Variants in COL21A1 observed in about 807,000 individuals in gnomAD.
COL21A1 encodes the protein collagen alpha-1(XXI) chain.
A neutral mutation model predicts 137.9 loss-of-function variants in COL21A1; 149 were observed. The observed-to-expected ratio is 1.08, with a 90% confidence interval of 0.95 to 1.24. COL21A1 has a LOEUF of 1.24. Among genes scored for constraint, COL21A1 ranks in the 50% most tolerant of loss-of-function variants. The pLI is 0.00. For synonymous variants in COL21A1, 456 were observed against 391.5 expected, an observed-to-expected ratio of 1.16 and a Z score of -1.95; for missense variants, 1,167 against 1,158.4, an observed-to-expected ratio of 1.01 and a Z score of -0.11.
intron 1 of COL21A1, among the ~76,000 whole-genome samples, chr6:56,187,122 G>A (rs910729145): frequency 1.2e-4 from 19 of 152,140 alleles, no homozygotes; most frequent in African/African-American, 2.4e-4. Context: ...GTCTAAGGGC[G>A]AAATCTGGTG....
At chr6:56,256,191 CA>C (rs1434378901) in intron 1 of COL21A1, among the ~76,000 whole-genome samples, 2 of 152,178 alleles carry the variant, frequency 1.3e-5, no homozygotes, top group Admixed American at 1.3e-4. Context: ...TTACTAAATT[CA>C]ATGGTCTCAT....
intron 1 of COL21A1, among the ~76,000 whole-genome samples, chr6:56,198,274 A>G (rs1430599624): frequency 2.0e-5 from 3 of 152,114 alleles, no homozygotes; most frequent in African/African-American, 7.2e-5. Flanking sequence ...TATGATGAAT[A>G]CATTCTGGAG....
intron 16 of COL21A1, 62 bp downstream of exon 16, chr6:56,124,000 A>G (rs1382457412): frequency 1.0e-6 from 1 of 992,010 alleles, no homozygotes; most frequent in South Asian, 2.0e-5. Flanking sequence ...CATTTTTCTT[A>G]TGTTTCCTCT....
At chr6:56,247,978 A>G (rs551901873), upstream of COL21A1, among the ~76,000 whole-genome samples, 87 of 152,286 alleles carry the variant, frequency 5.7e-4, no homozygotes, top group African/African-American at 2.0e-3. Flanking sequence ...GTTGCAGCGG[A>G]CTGATGTTCC....
At chr6:56,187,642 A>G (rs904321668) in intron 1 of COL21A1, among the ~76,000 whole-genome samples, 1 of 152,240 alleles carries the variant, frequency 6.6e-6, no homozygotes, top group Non-Finnish European at 1.5e-5. Flanking sequence ...ATGGAATAAA[A>G]TGAACCTGGA....
At chr6:56,062,391 T>G (rs1562135919) in intron 24 of COL21A1, among the ~76,000 whole-genome samples, 1 of 152,280 alleles carries the variant, frequency 6.6e-6, no homozygotes, top group Non-Finnish European at 1.5e-5. Context: ...TGGTGTATTA[T>G]AGAGGAAAAA....
At chr6:56,087,436 T>C (rs12207650) in intron 17 of COL21A1, among the ~76,000 whole-genome samples, 10,925 of 152,266 alleles carry the variant, frequency 0.072, 434 homozygotes, top group Middle Eastern at 0.12. Context: ...GTCTTCAGTA[T>C]TGAACTCATG....
chr6:56,207,448 A>C (rs1480458085), intron 1 of COL21A1, among the ~76,000 whole-genome samples: 1 of 152,192 alleles, frequency 6.6e-6, no homozygotes, highest in African/African-American at 2.4e-5. Context: ...TAAATGGATA[A>C]ATACCTGGCC....
At position 56,056,714 on chromosome 6, in the gene COL21A1, C is replaced by T. The variant is rs926858032; in HGVS notation, c.*943G>A. On this transcript the variant is annotated 3_prime_UTR_variant, in exon 30 of 30. Coordinates refer to ENST00000244728, the MANE Select transcript of COL21A1 (RefSeq NM_030820.4). The stretch of plus-strand genomic sequence containing the variant: ...AAGCATTAAGCACAATACACAAAGA[C>T]TGTTCATAATATTTTACAGTCAGCT... 3 of 152,172 alleles carry T rather than the reference C, an allele frequency of 2.0e-5. No individual in the cohort carries two copies. The highest frequency in any genetic ancestry group is 4.4e-5 in the Non-Finnish European group (3 of 68,034). The allele number at this position is 152,172 out of a possible 1,614,324, so 9.4% of individuals were successfully genotyped here.
chr6:56,382,222 G>A lies in COL21A1; in HGVS notation c.-39+11749C>T, dbSNP rs886226380. 2.6e-5 allele frequency among the ~76,000 whole-genome samples: 4 copies of A among 152,148 alleles called. 1 individual carries two copies. The highest frequency in any genetic ancestry group is 2.6e-4 in the Admixed American group (4 of 15,270). On this transcript the variant is annotated intron_variant, in intron 1 of 28. Transcript: ENST00000370819. ...GTGAGTTCTGGTGCCCTAGAAATGT[G>A]TTTGGAATGCTCAAGGCCTCCCTTC... is the stretch of plus-strand genomic sequence containing the variant.
intron 1 of COL21A1, among the ~76,000 whole-genome samples, chr6:56,343,878 C>A (rs551674130): frequency 3.2e-4 from 48 of 152,202 alleles, no homozygotes; most frequent in African/African-American, 1.2e-3. Flanking sequence ...CCCAGGAGGT[C>A]AAGGCTGTAG....
At chr6:56,088,865 G>A (rs1461945917) in intron 17 of COL21A1, among the ~76,000 whole-genome samples, 3 of 151,984 alleles carry the variant, frequency 2.0e-5, no homozygotes, top group East Asian at 1.9e-4. Flanking sequence ...CTGCTGAATG[G>A]GGCCTCGACC....
rs558993349 is a variant in COL21A1, at chr6:56,118,144, G to T, written c.1758+5918C>A. Among the ~76,000 whole-genome samples, 113 of 150,758 alleles carry T rather than the reference G, an allele frequency of 7.5e-4. No individual in the cohort carries two copies. The East Asian group carries it at 0.012, about 16-fold the overall frequency. ...ACAAAGATCAATGAAACAAAAAGTT[G>T]TTTTTTTTGAAAAGACAAACAAAAT... On this transcript the variant is annotated intron_variant, in intron 16 of 29. Coordinates refer to ENST00000244728, the MANE Select transcript of COL21A1 (RefSeq NM_030820.4).
intron 1 of COL21A1, among the ~76,000 whole-genome samples, chr6:56,304,278 T>C (rs1764378406): frequency 6.6e-6 from 1 of 152,026 alleles, no homozygotes; most frequent in African/African-American, 2.4e-5. Context: ...CCTCTTTTTC[T>C]ATTGATTGGA....
intron 1 of COL21A1, among the ~76,000 whole-genome samples, chr6:56,301,854 T>TA (rs1554181417): frequency 6.1e-5 from 2 of 32,618 alleles, no homozygotes; most frequent in African/African-American, 8.3e-5. Context: ...ATGCTATTTC[T>TA]CCCCCCCCCA....
chr6:56,090,282 C>T (rs957618637), intron 17 of COL21A1, among the ~76,000 whole-genome samples: 3 of 152,016 alleles, frequency 2.0e-5, no homozygotes, highest in Admixed American at 6.6e-5. Context: ...TGATCAGTGC[C>T]GTAGACACAG....
chr6:56,137,156 G>A (rs2152231162), intron 12 of COL21A1, among the ~76,000 whole-genome samples: 1 of 152,254 alleles, frequency 6.6e-6, no homozygotes, highest in Non-Finnish European at 1.5e-5. Context: ...TCTCCAAAAT[G>A]TAAAATGAGG....
At chr6:56,345,877 TTC>T (rs1226697625) in intron 1 of COL21A1, among the ~76,000 whole-genome samples, 10 of 152,176 alleles carry the variant, frequency 6.6e-5, no homozygotes, top group Non-Finnish European at 1.3e-4. Context: ...ACTTTCTGTC[TTC>T]TCTCTCTGCT....
intron 1 of COL21A1, among the ~76,000 whole-genome samples, chr6:56,361,245 C>T (rs1477591834): frequency 2.6e-5 from 4 of 152,180 alleles, no homozygotes; most frequent in African/African-American, 7.2e-5. Context: ...GAGGATGAGA[C>T]TAAACTACAT....
Sources: gnomAD v4.1 joint callset for allele counts (sites outside exome capture counted in the v4.1 genomes callset) on GRCh38, gnomAD v4.1.1 for gene constraint, MANE v1.5 for transcripts, NCBI Gene and HGNC (gene_info 2026-07-23, HGNC 2026-07-21) for gene names.